Variants in ZNF713 observed in about 807,000 individuals in gnomAD.
ZNF713 encodes the protein zinc finger protein 713.
ZNF713 carries 21 observed loss-of-function variants against 28.7 expected under a neutral mutation model. The observed-to-expected ratio is 0.73, with a 90% CI of 0.52 to 1.05. The LOEUF (loss-of-function observed/expected upper bound fraction) is 1.05. Among genes scored for constraint, ZNF713 ranks in the 50% least tolerant of loss-of-function variants. ZNF713 has a pLI of 0.00. For synonymous variants in ZNF713, 167 were observed against 178.0 expected, an observed-to-expected ratio of 0.94 and a Z score of 0.49; for missense variants, 458 against 532.4, an observed-to-expected ratio of 0.86 and a Z score of 1.37.
Position 55,939,662 on chromosome 7 carries a change from ACT to A in ZNF713, c.990_991del (p.Gln331ThrfsTer12). 6.2e-7 allele frequency: 1 copy of A among 1,614,170 alleles called. No homozygotes were observed. Among genetic ancestry groups the A allele is most frequent in the Non-Finnish European group, 8.5e-7 (1 of 1,180,052 alleles). ...GKAFRQHSSF[T>X]QHLRIHTGEK... ...AGCCTTCCGTCAGCATTCATCCTTT[ACT>A]CAACATCTGAGGATTCATACTGGAG... is the stretch of plus-strand genomic sequence containing the variant. On this transcript the variant is annotated frameshift_variant, in exon 7 of 7. Transcript: ENST00000429591. LOFTEE classifies it high-confidence loss of function.
chr7:55,937,017 G>T (rs1786364208), intron 6 of ZNF713, among the ~76,000 whole-genome samples: 1 of 152,102 alleles, frequency 6.6e-6, no homozygotes, highest in African/African-American at 2.4e-5. Flanking sequence ...GCAGTGAGTG[G>T]GCTGGGTGCG....
intron 6 of ZNF713, among the ~76,000 whole-genome samples, chr7:55,936,316 G>A (rs533634723): frequency 1.3e-5 from 2 of 150,152 alleles, no homozygotes; most frequent in African/African-American, 2.5e-5. Flanking sequence ...ATTGGGTAAA[G>A]AGCAGAAAAC....
At chr7:55,930,455 A>G (rs985988177) in intron 6 of ZNF713, among the ~76,000 whole-genome samples, 14 of 152,176 alleles carry the variant, frequency 9.2e-5, no homozygotes, top group Non-Finnish European at 1.8e-4. Flanking sequence ...ATGAAAAATA[A>G]TGTAGTCTAG....
Position 55,940,636 on chromosome 7 carries a change from G to A in ZNF713, c.*630G>A, listed in dbSNP as rs187430053. 1.2e-6 allele frequency: 1 copy of A among 843,414 alleles called. No individual in the cohort carries two copies. Among genetic ancestry groups the A allele is most frequent in the Admixed American group, 6.3e-5 (1 of 15,988 alleles). 52.2% of individuals were successfully genotyped at this position (843,414 alleles called of 1,614,324 possible). A position where few individuals can be genotyped will look rare whatever the true frequency, so the allele number is the denominator to read the frequency against. On this transcript the variant is annotated 3_prime_UTR_variant, in exon 7 of 7. Transcript: ENST00000429591. The stretch of plus-strand genomic sequence containing the variant: ...CACACCTGCAATCCCAGCTACTCTG[G>A]AGACTGAGGCATGAGAATGACTTGA...
chr7:55,936,030 G>A lies in ZNF713; in HGVS notation c.308-2952G>A, dbSNP rs574067221. 8.4e-4 allele frequency among the ~76,000 whole-genome samples: 128 copies of A among 151,742 alleles called. 1 individual carries two copies. The highest frequency in any genetic ancestry group is 2.5e-3 in the African/African-American group (105 of 41,404). On this transcript the variant is annotated intron_variant, in intron 6 of 6. Coordinates refer to ENST00000429591, the MANE Select transcript of ZNF713 (RefSeq NM_182633.3). ...TTGTAATCCCAGCACTTTTGGAGGCGGAGGCAGGTGGATCATTTGAGGTCA... is the reference window on the plus strand; with the variant it reads ...TTGTAATCCCAGCACTTTTGGAGGCAGAGGCAGGTGGATCATTTGAGGTCA...
chr7:55,924,956 C>T (rs1345061655), intron 6 of ZNF713: 1 of 151,942 alleles, frequency 6.6e-6, no homozygotes, highest in African/African-American at 2.4e-5. Flanking sequence ...AAACCTGGAT[C>T]TGTTGGCTTT....
intron 6 of ZNF713, among the ~76,000 whole-genome samples, chr7:55,925,294 C>A (rs1186761447): frequency 6.6e-6 from 1 of 152,174 alleles, no homozygotes; most frequent in Non-Finnish European, 1.5e-5. Context: ...GGCTATCCTT[C>A]TTGCTTTTAA....
chr7:55,890,843 A>C (rs1785367937), intron 1 of ZNF713, among the ~76,000 whole-genome samples: 1 of 151,840 alleles, frequency 6.6e-6, no homozygotes, highest in Admixed American at 6.6e-5. Context: ...AACATGGTGA[A>C]ACCCCATCTC....
intron 6 of ZNF713, among the ~76,000 whole-genome samples, chr7:55,937,839 G>A (rs1786383411): frequency 6.6e-6 from 1 of 152,076 alleles, no homozygotes; most frequent in Non-Finnish European, 1.5e-5. Flanking sequence ...CCCAGGAGGT[G>A]GCTACAGGGA....
At chr7:55,928,848 C>T (rs986090350) in intron 6 of ZNF713, among the ~76,000 whole-genome samples, 1 of 151,916 alleles carries the variant, frequency 6.6e-6, no homozygotes, top group Non-Finnish European at 1.5e-5. Context: ...AAAGTGCCTG[C>T]AGGCCGGGTG....
At chr7:55,914,147 A>G (rs1481368401) in intron 4 of ZNF713, among the ~76,000 whole-genome samples, 2 of 151,760 alleles carry the variant, frequency 1.3e-5, no homozygotes, top group East Asian at 1.9e-4. Flanking sequence ...CTTTATTTCC[A>G]AAGATGAGAA....
chr7:55,919,646 C>T (rs756276798), intron 4 of ZNF713, among the ~76,000 whole-genome samples: 1 of 151,788 alleles, frequency 6.6e-6, no homozygotes, highest in Non-Finnish European at 1.5e-5. Context: ...GCTGGGACTA[C>T]AGGCATGTGC....
At chr7:55,889,161 G>C (rs1046630654) in intron 1 of ZNF713, among the ~76,000 whole-genome samples, 1 of 150,952 alleles carries the variant, frequency 6.6e-6, no homozygotes, top group Non-Finnish European at 1.5e-5. Context: ...GAGTGCAATG[G>C]TGTGATCTCC....
intron 1 of ZNF713, among the ~76,000 whole-genome samples, chr7:55,895,767 T>C (rs1785462473): frequency 6.6e-6 from 1 of 152,122 alleles, no homozygotes; most frequent in African/African-American, 2.4e-5. Flanking sequence ...TGCGCCTGGC[T>C]TGTGCTGTTA....
At position 55,940,415 on chromosome 7, in the gene ZNF713, C is replaced by T. The variant is rs765008550; in HGVS notation, c.*409C>T. 1.3e-4 allele frequency: 126 copies of T among 988,394 alleles called. No individual in the cohort carries two copies. Among genetic ancestry groups the T allele is most frequent in the Non-Finnish European group, 1.4e-4 (120 of 831,924 alleles). 61.2% of individuals were successfully genotyped at this position (988,394 alleles called of 1,614,324 possible). A position where few individuals can be genotyped will look rare whatever the true frequency, so the allele number is the denominator to read the frequency against. The stretch of plus-strand genomic sequence containing the variant: ...CTGGGATTACAGGCGTGGGCCACTG[C>T]GCCTGGCCATAAACTTTCAATGCGT... On this transcript the variant is annotated 3_prime_UTR_variant, in exon 7 of 7. Transcript: ENST00000429591.
chr7:55,932,870 G>A (rs1786265468), intron 6 of ZNF713, among the ~76,000 whole-genome samples: 1 of 99,510 alleles, frequency 1.0e-5, no homozygotes, highest in Non-Finnish European at 1.8e-5. Context: ...CGGCCTGGGC[G>A]ACAGAGCGAG....
At position 55,939,480 on chromosome 7, in the gene ZNF713, A is replaced by G; in HGVS notation, c.806A>G (p.His269Arg). Residue 269 changes from histidine to arginine, a missense_variant, in exon 7 of 7, where the codon CAC (histidine) becomes CGC (arginine). Physicochemically the swap from His to Arg is conservative, Grantham distance 29 (BLOSUM62 0). Transcript: ENST00000429591. ...KPSECGKAFS[H>R]TSSLSQPQML... ...AGTGAGTGTGGGAAGGCCTTCAGCC[A>G]CACCTCATCTCTTAGCCAGCCTCAG... 1.2e-6 allele frequency: 2 copies of G among 1,614,186 alleles called. No individual in the cohort carries two copies. Among genetic ancestry groups the G allele is most frequent in the Non-Finnish European group, 1.7e-6 (2 of 1,180,036 alleles).
chr7:55,898,185 A>T (rs1378203284), intron 1 of ZNF713, among the ~76,000 whole-genome samples: 1 of 152,270 alleles, frequency 6.6e-6, no homozygotes, highest in African/African-American at 2.4e-5. Context: ...TGTCTAGACA[A>T]AAATTTCTTG....
intron 2 of ZNF713, among the ~76,000 whole-genome samples, chr7:55,910,486 G>A (rs1785766143): frequency 6.6e-6 from 1 of 151,702 alleles, no homozygotes; most frequent in African/African-American, 2.4e-5. Context: ...GGTTTGTTGA[G>A]GGTTTTTTGG....
Sources: allele counts gnomAD v4.1 joint callset (sites outside exome capture counted in the v4.1 genomes callset), GRCh38; gene constraint gnomAD v4.1.1; transcripts MANE v1.5; gene names NCBI Gene and HGNC (gene_info 2026-07-23, HGNC 2026-07-21).